LRRC8D: variants seen among roughly 807,000 people sequenced by gnomAD.
The protein encoded by LRRC8D is volume-regulated anion channel subunit LRRC8D.
A neutral mutation model predicts 55.8 loss-of-function variants in LRRC8D; 20 were observed. That is an observed-to-expected ratio of 0.36 (90% CI 0.25 to 0.52). The LOEUF is 0.52. Ranked by LOEUF, LRRC8D falls within the 20% of genes least tolerant of loss-of-function variation. The pLI, the probability that LRRC8D is intolerant of heterozygous loss-of-function variation, is 0.93. For missense variants in LRRC8D, 651 were observed against 1,030.8 expected (o/e 0.63, Z 5.05); for synonymous variants, 352 against 377.0 (o/e 0.93, Z 0.77).
intron 2 of LRRC8D, among the ~76,000 whole-genome samples, chr1:89,905,069 G>C (rs1243386377): frequency 3.3e-5 from 5 of 151,926 alleles, no homozygotes; most frequent in Non-Finnish European, 5.9e-5. Context: ...AAATGAAAAG[G>C]AACTTGGAAA....
At position 89,828,019 on chromosome 1, in the gene LRRC8D, G is replaced by C. The variant is rs374078760; in HGVS notation, c.-148+6728G>C. ...ATCTCTGGATATGGAGTTTAGTTTT[G>C]AAAACAGCCCTCCCTGCCTCCAGGT... On this transcript the variant is annotated intron_variant, in intron 1 of 2. Coordinates refer to ENST00000337338, the MANE Select transcript of LRRC8D (RefSeq NM_001134479.2). Among the ~76,000 whole-genome samples the C allele has an allele frequency of 5.9e-4, 90 of 152,248 alleles. 2 individuals are homozygous for C. The highest frequency in any genetic ancestry group is 2.1e-3 in the African/African-American group (88 of 41,556).
chr1:89,932,296 G>A (rs946650914), intron 2 of LRRC8D, among the ~76,000 whole-genome samples: 4 of 152,104 alleles, frequency 2.6e-5, no homozygotes, highest in Non-Finnish European at 5.9e-5. Flanking sequence ...CCTGAGTCTT[G>A]AGCTGTCTTC....
chr1:89,898,049 C>T (rs995353035), intron 2 of LRRC8D, among the ~76,000 whole-genome samples: 2 of 152,178 alleles, frequency 1.3e-5, no homozygotes, highest in African/African-American at 2.4e-5. Flanking sequence ...AAAGATGTCT[C>T]TGATATGTGG....
chr1:89,879,816 G>A (rs1662236028), intron 2 of LRRC8D, among the ~76,000 whole-genome samples: 2 of 152,164 alleles, frequency 1.3e-5, no homozygotes, highest in South Asian at 4.1e-4. Flanking sequence ...CTAGCTTCAT[G>A]AGGGATAAAA....
chr1:89,861,859 T>C (rs1173100326), intron 2 of LRRC8D, among the ~76,000 whole-genome samples: 3 of 152,216 alleles, frequency 2.0e-5, no homozygotes, highest in African/African-American at 7.2e-5. Flanking sequence ...GCCAGGCTTC[T>C]AATTACAAAT....
At chr1:89,922,416 A>G (rs1663447458) in intron 2 of LRRC8D, among the ~76,000 whole-genome samples, 1 of 152,224 alleles carries the variant, frequency 6.6e-6, no homozygotes, top group African/African-American at 2.4e-5. Flanking sequence ...TAAATGCCAC[A>G]TATTTATCAT....
At chr1:89,869,068 G>A (rs546336713) in intron 2 of LRRC8D, among the ~76,000 whole-genome samples, 4 of 152,070 alleles carry the variant, frequency 2.6e-5, no homozygotes, top group South Asian at 2.1e-4. Flanking sequence ...CACCATGCCC[G>A]GCTAATTTTT....
At chr1:89,906,571 C>A (rs1662999475) in intron 2 of LRRC8D, among the ~76,000 whole-genome samples, 2 of 152,174 alleles carry the variant, frequency 1.3e-5, no homozygotes, top group African/African-American at 4.8e-5. Flanking sequence ...GCTGCTTGCT[C>A]ACAATGCCTG....
intron 2 of LRRC8D, among the ~76,000 whole-genome samples, chr1:89,918,168 A>G (rs1214543171): frequency 2.6e-5 from 4 of 152,252 alleles, no homozygotes; most frequent in Non-Finnish European, 5.9e-5. Flanking sequence ...AGTGGAGAAC[A>G]TCTGGGTTCC....
At chr1:89,849,088 G>A (rs764314762) in intron 2 of LRRC8D, among the ~76,000 whole-genome samples, 1 of 152,174 alleles carries the variant, frequency 6.6e-6, no homozygotes, top group Non-Finnish European at 1.5e-5. Context: ...CCAGGTTTGT[G>A]CAGTCTCCAA....
Position 89,935,655 on chromosome 1 carries a change from A to G in LRRC8D, c.*10A>G. 6.2e-7 allele frequency: 1 copy of G among 1,610,058 alleles called. No individual in the cohort carries two copies. Among genetic ancestry groups the G allele is most frequent in the Non-Finnish European group, 8.5e-7 (1 of 1,177,206 alleles). On this transcript the variant is annotated 3_prime_UTR_variant, in exon 3 of 3. Transcript: ENST00000337338. ...TGCAAATGGGATTTAAACTAAGATAATATATGCACAGTGATGTGCAGGAAC... is the reference window on the plus strand; with the variant it reads ...TGCAAATGGGATTTAAACTAAGATAGTATATGCACAGTGATGTGCAGGAAC...
intron 2 of LRRC8D, among the ~76,000 whole-genome samples, chr1:89,922,212 C>G (rs887629628): frequency 1.3e-5 from 2 of 151,918 alleles, no homozygotes; most frequent in African/African-American, 2.4e-5. Context: ...TACAGGTGCT[C>G]GCCACCACAC....
intron 2 of LRRC8D, among the ~76,000 whole-genome samples, chr1:89,928,351 G>A (rs772053568): frequency 1.3e-5 from 2 of 152,144 alleles, no homozygotes; most frequent in South Asian, 2.1e-4. Context: ...GATTATAGAC[G>A]TGAGCCACCA....
intron 2 of LRRC8D, among the ~76,000 whole-genome samples, chr1:89,904,598 G>C (rs535659580): frequency 5.3e-5 from 8 of 152,154 alleles, no homozygotes; most frequent in Non-Finnish European, 8.8e-5. Context: ...TGCTTTACCT[G>C]GAGCTCTATT....
At chr1:89,902,807 A>G (rs1006532126) in intron 2 of LRRC8D, among the ~76,000 whole-genome samples, 72 of 152,300 alleles carry the variant, frequency 4.7e-4, no homozygotes, top group Non-Finnish European at 8.5e-4. Flanking sequence ...TACAGGCGTG[A>G]GCCACCGTGC....
intron 2 of LRRC8D, among the ~76,000 whole-genome samples, chr1:89,918,515 C>A (rs889697415): frequency 6.6e-6 from 1 of 152,338 alleles, no homozygotes; most frequent in Non-Finnish European, 1.5e-5. Flanking sequence ...AAGGGTCCTC[C>A]CTCTCTGGAG....
At chr1:89,890,677 C>G (rs1413042431) in intron 2 of LRRC8D, among the ~76,000 whole-genome samples, 2 of 152,180 alleles carry the variant, frequency 1.3e-5, no homozygotes, top group East Asian at 3.9e-4. Context: ...CTCACCTTCC[C>G]TTATGTTAAT....
chr1:89,915,342 G>C (rs1002160677), intron 2 of LRRC8D, among the ~76,000 whole-genome samples: 3 of 152,156 alleles, frequency 2.0e-5, no homozygotes, highest in East Asian at 1.9e-4. Context: ...TACAATTACA[G>C]TTGTAACATG....
Position 89,843,647 on chromosome 1 carries a change from G to A in LRRC8D, c.-138G>A, listed in dbSNP as rs1319170220. On this transcript the variant is annotated 5_prime_UTR_variant, in exon 2 of 3. Transcript: ENST00000337338. ...CTGTGTTTTCAAACAGGAAGTGCAC[G>A]GCTGTCTATAACGTGCTGCCGGGTC... 2.8e-6 allele frequency: 2 copies of A among 702,424 alleles called. No homozygotes were observed. Among genetic ancestry groups the A allele is most frequent in the South Asian group, 3.0e-5 (2 of 67,596 alleles). 43.5% of individuals were successfully genotyped at this position (702,424 alleles called of 1,614,324 possible).
Sources: gnomAD v4.1 joint callset for allele counts (sites outside exome capture counted in the v4.1 genomes callset) on GRCh38, gnomAD v4.1.1 for gene constraint, MANE v1.5 for transcripts, NCBI Gene and HGNC (gene_info 2026-07-23, HGNC 2026-07-21) for gene names.